CDK13: variants seen among roughly 807,000 people sequenced by gnomAD.
CDK13 encodes cyclin dependent kinase 13.
Under a neutral mutation model 137.6 loss-of-function variants are expected in CDK13, and 40 were observed. The observed-to-expected ratio is 0.29, with a 90% CI of 0.23 to 0.38. The LOEUF is 0.38. CDK13 is among the 10% of genes least tolerant of loss of function. The pLI, the probability that CDK13 is intolerant of heterozygous loss-of-function variation, is 1.00. For synonymous variants in CDK13, 869 were observed against 760.1 expected (o/e 1.14, Z -2.36); for missense variants, 1,704 against 1,951.8 (o/e 0.87, Z 2.39).
At chr7:40,090,904 T>C (rs889885883) in intron 12 of CDK13, among the ~76,000 whole-genome samples, 1 of 151,694 alleles carries the variant, frequency 6.6e-6, no homozygotes, top group African/African-American at 2.4e-5. Flanking sequence ...AGAATCAGTA[T>C]TGTGATTAAG....
intron 1 of CDK13, among the ~76,000 whole-genome samples, chr7:39,974,232 T>C (rs1382125352): frequency 2.0e-5 from 3 of 147,710 alleles, no homozygotes; most frequent in Non-Finnish European, 3.0e-5. Flanking sequence ...ATCTTGTTAA[T>C]TTTTTTTTTT....
chr7:39,982,323 T>C (rs1416188883), intron 1 of CDK13, among the ~76,000 whole-genome samples: 2 of 152,140 alleles, frequency 1.3e-5, no homozygotes, highest in Non-Finnish European at 2.9e-5. Context: ...GTTTCATCCA[T>C]GTCCCTACAA....
chr7:39,956,902 A>G (rs930592058), intron 1 of CDK13, among the ~76,000 whole-genome samples: 5 of 150,780 alleles, frequency 3.3e-5, no homozygotes, highest in African/African-American at 1.2e-4. Context: ...TAAACTTCCT[A>G]ATGTTCCATC....
intron 5 of CDK13, among the ~76,000 whole-genome samples, chr7:40,029,513 A>T (rs910946607): frequency 2.6e-5 from 4 of 151,764 alleles, no homozygotes; most frequent in African/African-American, 9.7e-5. Flanking sequence ...CAAGGTCAAG[A>T]GATTGAGATC....
chr7:39,950,259 T>G lies in CDK13; in HGVS notation c.-383T>G, dbSNP rs961151553. Reference sequence around the variant, plus strand: ...GTGAAGCGGCGACGAAGGTGGTACTTCCGCGTTGCGCTGCCCGAGCCGAGA... The same window carrying G: ...GTGAAGCGGCGACGAAGGTGGTACTGCCGCGTTGCGCTGCCCGAGCCGAGA... On this transcript the variant is annotated 5_prime_UTR_variant, in exon 1 of 14. Transcript: ENST00000181839. The G allele has an allele frequency of 3.2e-5, 33 of 1,035,598 alleles. No individual in the cohort carries two copies. Among genetic ancestry groups the G allele is most frequent in the Non-Finnish European group, 3.8e-5 (33 of 863,226 alleles). 64.2% of individuals were successfully genotyped at this position (1,035,598 alleles called of 1,614,324 possible).
Position 40,035,717 on chromosome 7 carries a change from A to G in CDK13, c.2354-10119A>G, listed in dbSNP as rs1475072528. 2.0e-5 allele frequency among the ~76,000 whole-genome samples: 3 copies of G among 152,008 alleles called. No individual in the cohort carries two copies. The East Asian group carries it at 5.8e-4, about 29-fold the overall frequency. On this transcript the variant is annotated intron_variant, in intron 5 of 13. Coordinates refer to ENST00000181839, the MANE Select transcript of CDK13 (RefSeq NM_003718.5). ...ATATGTTACAGTGTAATAACAATAG[A>G]AATAAAGTGTACAAGAAATGTAATG...
chr7:40,000,641 G>A (rs1246540745), intron 4 of CDK13, among the ~76,000 whole-genome samples: 1 of 152,168 alleles, frequency 6.6e-6, no homozygotes, highest in African/African-American at 2.4e-5. Flanking sequence ...GGCAATTACT[G>A]CATAGAGTAA....
chr7:39,960,732 G>A (rs1787591710), intron 1 of CDK13, among the ~76,000 whole-genome samples: 1 of 151,748 alleles, frequency 6.6e-6, no homozygotes. Context: ...CTGCCACCAT[G>A]CCTGGCTAAT....
At chr7:39,993,340 T>C (rs1392650855) in intron 2 of CDK13, among the ~76,000 whole-genome samples, 1 of 152,232 alleles carries the variant, frequency 6.6e-6, no homozygotes, top group Admixed American at 6.5e-5. Flanking sequence ...TAGCCACTAC[T>C]CTTTTTTACC....
At chr7:40,053,154 G>A (rs1354673480) in intron 7 of CDK13, among the ~76,000 whole-genome samples, 1 of 151,964 alleles carries the variant, frequency 6.6e-6, no homozygotes, top group Non-Finnish European at 1.5e-5. Flanking sequence ...CTTCTGTTGG[G>A]GGTATATCAT....
chr7:40,091,422 T>C (rs531571027), intron 12 of CDK13, among the ~76,000 whole-genome samples: 10 of 151,846 alleles, frequency 6.6e-5, no homozygotes, highest in South Asian at 2.1e-4. Context: ...TAGTGGGGGC[T>C]GGGGCAGGAA....
intron 11 of CDK13, among the ~76,000 whole-genome samples, chr7:40,082,153 C>G (rs1005206847): frequency 6.6e-6 from 1 of 152,078 alleles, no homozygotes; most frequent in East Asian, 1.9e-4. Context: ...TCACTGAGTT[C>G]TTGGAACTCC....
chr7:39,956,496 C>G (rs80081466), intron 1 of CDK13, among the ~76,000 whole-genome samples: 6,318 of 152,264 alleles, frequency 0.041, 387 homozygotes, highest in African/African-American at 0.14. Flanking sequence ...ATCCATTCTT[C>G]TCAGTTCATT....
In CDK13 at chr7:39,950,263, C is replaced by A. The variant is rs972671067; in HGVS notation, c.-379C>A. The A allele has an allele frequency of 9.6e-7, 1 of 1,041,078 alleles. No homozygotes were observed. The highest frequency in any genetic ancestry group is 1.2e-6 in the Non-Finnish European group (1 of 866,650). 64.5% of individuals were successfully genotyped at this position (1,041,078 alleles called of 1,614,324 possible). On this transcript the variant is annotated 5_prime_UTR_variant, in exon 1 of 14. Coordinates refer to ENST00000181839, the MANE Select transcript of CDK13 (RefSeq NM_003718.5). ...AGCGGCGACGAAGGTGGTACTTCCG[C>A]GTTGCGCTGCCCGAGCCGAGAGCGC...
intron 11 of CDK13, among the ~76,000 whole-genome samples, chr7:40,083,901 A>G (rs958662491): frequency 6.6e-6 from 1 of 152,136 alleles, no homozygotes; most frequent in African/African-American, 2.4e-5. Context: ...GCAATATGAT[A>G]TAATGAGTAG....
At chr7:39,956,955 T>C (rs1409874305) in intron 1 of CDK13, among the ~76,000 whole-genome samples, 1 of 152,208 alleles carries the variant, frequency 6.6e-6, no homozygotes, top group Non-Finnish European at 1.5e-5. Context: ...ATCACAGTTC[T>C]GTTTTCAAAG....
At chr7:39,999,009 CT>C (rs1784624061) in intron 3 of CDK13, 1 of 160,938 alleles carries the variant, frequency 6.2e-6, no homozygotes, top group Admixed American at 6.4e-5. Context: ...CAAAATAAAA[CT>C]TTCTGGAGAT....
At chr7:40,082,822 C>T (rs1197648672) in intron 11 of CDK13, among the ~76,000 whole-genome samples, 1 of 151,210 alleles carries the variant, frequency 6.6e-6, no homozygotes, top group Non-Finnish European at 1.5e-5. Flanking sequence ...TATTTTAGGC[C>T]GGGTGCAGTG....
intron 9 of CDK13, among the ~76,000 whole-genome samples, chr7:40,068,273 A>G (rs772015089): frequency 2.0e-5 from 3 of 151,984 alleles, no homozygotes; most frequent in Non-Finnish European, 4.4e-5. Flanking sequence ...GATCTGAATG[A>G]AGAAATGGCA....
Sources: gnomAD v4.1 joint callset for allele counts (sites outside exome capture counted in the v4.1 genomes callset) on GRCh38, gnomAD v4.1.1 for gene constraint, MANE v1.5 for transcripts, NCBI Gene and HGNC (gene_info 2026-07-23, HGNC 2026-07-21) for gene names.